The following MLIP variants were observed in gnomAD, a reference collection of about 807,000 sequenced individuals.
MLIP encodes muscular LMNA interacting protein, also known as muscular LMNA-interacting protein.
In MLIP, 79 loss-of-function variants were observed where a neutral mutation model predicts 84.8. The ratio of observed to expected loss-of-function variants is 0.93; its 90% CI spans 0.78 to 1.12. The LOEUF is 1.12. Among genes scored for constraint, MLIP ranks in the 50% most tolerant of loss-of-function variants. The pLI, the probability that MLIP is intolerant of heterozygous loss-of-function variation, is 0.00. For synonymous variants in MLIP, 504 were observed against 463.0 expected, an observed-to-expected ratio of 1.09 and a Z score of -1.14; for missense variants, 1,257 against 1,160.6, an observed-to-expected ratio of 1.08 and a Z score of -1.21.
chr6:54,261,297 C>T (rs1369246434), intron 13 of MLIP, among the ~76,000 whole-genome samples: 1 of 151,990 alleles, frequency 6.6e-6, no homozygotes, highest in Non-Finnish European at 1.5e-5. Flanking sequence ...AAACAGACCG[C>T]CCCTCTTTGT....
rs139928037 is a variant in MLIP at position 54,215,350 on chromosome 6, A to G, written c.2718+13117A>G. 2,258 of 1,310,988 alleles carry G rather than the reference A, an allele frequency of 1.7e-3. 30 individuals carry two copies. The African/African-American group carries it at 0.028, about 17-fold the overall frequency. The allele number at this position is 1,310,988 out of a possible 1,614,324, so 81.2% of individuals were successfully genotyped here. A position where few individuals can be genotyped will look rare whatever the true frequency, so the allele number is the denominator to read the frequency against. On this transcript the variant is annotated intron_variant, in intron 11 of 13. Coordinates refer to ENST00000502396, the MANE Select transcript of MLIP (RefSeq NM_001281747.2). ...AAAAATCAGTCCTTACTGAACTTCA[A>G]TTTTATCCTACAAAAATGGGGCTAC... is the stretch of plus-strand genomic sequence containing the variant.
chr6:54,181,042 C>T (rs1046349837), intron 9 of MLIP, among the ~76,000 whole-genome samples: 4 of 152,152 alleles, frequency 2.6e-5, no homozygotes, highest in African/African-American at 4.8e-5. Context: ...AATGAAGTCT[C>T]TCTCTCTGTA....
At chr6:54,262,990 A>T (rs1783482806) in intron 13 of MLIP, among the ~76,000 whole-genome samples, 1 of 152,054 alleles carries the variant, frequency 6.6e-6, no homozygotes, top group Admixed American at 6.6e-5. Flanking sequence ...TAAATCTACT[A>T]TAGGAGAAGT....
At chr6:54,221,320 T>C (rs1353681284) in intron 11 of MLIP, among the ~76,000 whole-genome samples, 3 of 152,036 alleles carry the variant, frequency 2.0e-5, no homozygotes, top group Non-Finnish European at 4.4e-5. Flanking sequence ...CCATTTGCTA[T>C]GGAAATAAAT....
intron 1 of MLIP, among the ~76,000 whole-genome samples, chr6:54,037,913 A>T (rs1029773811): frequency 2.6e-5 from 4 of 151,928 alleles, no homozygotes; most frequent in Non-Finnish European, 5.9e-5. Flanking sequence ...GTGTATTGTA[A>T]TCTCAGTATT....
At chr6:54,074,713 C>T (rs939890005) in intron 1 of MLIP, among the ~76,000 whole-genome samples, 5 of 152,086 alleles carry the variant, frequency 3.3e-5, no homozygotes, top group African/African-American at 7.2e-5. Flanking sequence ...GTCTTGAGTT[C>T]GAAGCCCAAC....
At chr6:54,165,147 C>T (rs1405698455) in intron 8 of MLIP, among the ~76,000 whole-genome samples, 1 of 151,856 alleles carries the variant, frequency 6.6e-6, no homozygotes, top group Non-Finnish European at 1.5e-5. Flanking sequence ...CTAGCACTTG[C>T]CAGTTCTGGT....
At chr6:54,023,609 G>A (rs956527737) in intron 1 of MLIP, among the ~76,000 whole-genome samples, 3 of 151,552 alleles carry the variant, frequency 2.0e-5, no homozygotes, top group Non-Finnish European at 2.9e-5. Flanking sequence ...CACTCTTGTC[G>A]CCCAGCCTGG....
intron 12 of MLIP, among the ~76,000 whole-genome samples, chr6:54,246,724 A>T (rs1341392367): frequency 1.3e-5 from 2 of 152,106 alleles, no homozygotes; most frequent in Non-Finnish European, 2.9e-5. Flanking sequence ...AAATGTATTT[A>T]ACCTTGTTTT....
At chr6:54,204,913 G>A (rs1318530504) in intron 11 of MLIP, among the ~76,000 whole-genome samples, 3 of 152,142 alleles carry the variant, frequency 2.0e-5, no homozygotes, top group Admixed American at 6.5e-5. Flanking sequence ...TGGAACATGA[G>A]AAGTAATAGC....
intron 11 of MLIP, chr6:54,216,172 T>C: frequency 3.0e-6 from 3 of 985,318 alleles, no homozygotes; most frequent in South Asian, 4.7e-5. Flanking sequence ...TAAATGTTTC[T>C]TGTTATCATT....
chr6:54,065,757 C>T (rs1424157369), intron 1 of MLIP, among the ~76,000 whole-genome samples: 5 of 99,468 alleles, frequency 5.0e-5, no homozygotes, highest in African/African-American at 1.3e-4. Flanking sequence ...TAGGCCACCT[C>T]TGACTTTCCT....
intron 8 of MLIP, among the ~76,000 whole-genome samples, chr6:54,161,536 G>C (rs1774639830): frequency 6.6e-6 from 1 of 151,526 alleles, no homozygotes; most frequent in Non-Finnish European, 1.5e-5. Context: ...ATAATTGTTA[G>C]TTATTAGCTA....
chr6:54,110,557 C>T (rs1446762591), upstream of MLIP, among the ~76,000 whole-genome samples: 1 of 152,176 alleles, frequency 6.6e-6, no homozygotes, highest in Non-Finnish European at 1.5e-5. Flanking sequence ...TTATTTTACT[C>T]ATTATGTTTC....
At chr6:54,212,219 G>A (rs1224853666) in intron 11 of MLIP, among the ~76,000 whole-genome samples, 1 of 152,104 alleles carries the variant, frequency 6.6e-6, no homozygotes, top group Non-Finnish European at 1.5e-5. Flanking sequence ...AGAGTCAGAT[G>A]GTTTATATAA....
At chr6:54,094,281 T>A (rs1417876393) in intron 1 of MLIP, among the ~76,000 whole-genome samples, 18 of 148,402 alleles carry the variant, frequency 1.2e-4, no homozygotes, top group South Asian at 2.1e-4. Flanking sequence ...TGCTGTAAGA[T>A]AAAAAAAAAA....
chr6:54,157,244 A>G (rs577448987), intron 5 of MLIP, among the ~76,000 whole-genome samples: 1 of 152,184 alleles, frequency 6.6e-6, no homozygotes, highest in Admixed American at 6.5e-5. Context: ...AATTTTCTCT[A>G]TAGTAGAGGT....
intron 11 of MLIP, among the ~76,000 whole-genome samples, chr6:54,228,742 C>G (rs1316947174): frequency 6.6e-6 from 1 of 152,076 alleles, no homozygotes; most frequent in African/African-American, 2.4e-5. Flanking sequence ...ATTTTTACAC[C>G]CTCCAAGAAA....
chr6:54,169,575 A>AC lies in MLIP; in HGVS notation c.2544+3_2544+4insC. The AC allele has an allele frequency of 6.3e-7, 1 of 1,584,074 alleles. No individual in the cohort carries two copies. Among genetic ancestry groups the AC allele is most frequent in the Non-Finnish European group, 8.6e-7 (1 of 1,163,314 alleles). On this transcript the variant is annotated splice_donor_region_variant and intron_variant, in intron 9 of 13. Transcript: ENST00000502396. ...CAGCTGGTCGAGAAACCAAATATGTAAGTACCTTTATAATTATACACACTG... is the reference window on the plus strand; with the variant it reads ...CAGCTGGTCGAGAAACCAAATATGTACAGTACCTTTATAATTATACACACTG...
Sources: allele counts gnomAD v4.1 joint callset (sites outside exome capture counted in the v4.1 genomes callset), GRCh38; gene constraint gnomAD v4.1.1; transcripts MANE v1.5; gene names NCBI Gene and HGNC (gene_info 2026-07-23, HGNC 2026-07-21).